Variants in PLPBP observed in about 807,000 individuals in gnomAD.
The protein encoded by PLPBP is pyridoxal phosphate binding protein.
In PLPBP, 21 loss-of-function variants were observed where a neutral mutation model predicts 31.2. That is an observed-to-expected ratio of 0.67 (90% CI 0.48 to 0.97). The LOEUF is 0.97. PLPBP is among the 50% of genes least tolerant of loss of function. The pLI, the probability that PLPBP is intolerant of heterozygous loss-of-function variation, is 0.00. For synonymous variants in PLPBP, 124 were observed against 135.6 expected, an observed-to-expected ratio of 0.91 and a Z score of 0.59; for missense variants, 308 against 354.4, an observed-to-expected ratio of 0.87 and a Z score of 1.05.
chr8:37,765,773 T>G, intron 3 of PLPBP, 27 bp downstream of exon 3: 2 of 1,604,348 alleles, frequency 1.2e-6, no homozygotes, highest in Non-Finnish European at 1.7e-6. Flanking sequence ...ATTCTTTAAT[T>G]TGTATCTAAA....
intron 1 of PLPBP, among the ~76,000 whole-genome samples, chr8:37,764,989 G>GGGGAA (rs1260463672): frequency 6.6e-6 from 1 of 152,138 alleles, no homozygotes; most frequent in Non-Finnish European, 1.5e-5. Flanking sequence ...TGACCAACAT[G>GGGGAA]GGGAAACCCT....
At chr8:37,773,019 T>A (rs1256827855) in intron 5 of PLPBP, 130 bp downstream of exon 5, 2 of 1,263,960 alleles carry the variant, frequency 1.6e-6, no homozygotes, top group Non-Finnish European at 2.2e-6. Flanking sequence ...GGCCTCTAAG[T>A]TGGCTGTTTT....
At chr8:37,765,783 A>G in intron 3 of PLPBP, 37 bp downstream of exon 3, 1 of 1,599,392 alleles carries the variant, frequency 6.3e-7, no homozygotes, top group Non-Finnish European at 8.5e-7. Flanking sequence ...TTGTATCTAA[A>G]TCTTGGCTCT....
Position 37,779,291 on chromosome 8 carries a change from C to T in PLPBP, c.*1187C>T, listed in dbSNP as rs929599193. 5.3e-5 allele frequency: 8 copies of T among 152,142 alleles called. 1 individual carries two copies. Among genetic ancestry groups the T allele is most frequent in the African/African-American group, 1.9e-4 (8 of 41,418 alleles). The allele number at this position is 152,142 out of a possible 1,614,324, so 9.4% of individuals were successfully genotyped here. A position where few individuals can be genotyped will look rare whatever the true frequency, so the allele number is the denominator to read the frequency against. ...TCAAAACCCAGTGAATCTCATTACTCCTAAGAAACGAAAGATTCCTTCAAA... is the reference window on the plus strand; with the variant it reads ...TCAAAACCCAGTGAATCTCATTACTTCTAAGAAACGAAAGATTCCTTCAAA... On this transcript the variant is annotated 3_prime_UTR_variant, in exon 8 of 8. Transcript: ENST00000328195.
chr8:37,776,117 G>A, intron 7 of PLPBP, 101 bp downstream of exon 7: 1 of 1,100,938 alleles, frequency 9.1e-7, no homozygotes, highest in Non-Finnish European at 1.4e-6. Flanking sequence ...CCTTGGAAAT[G>A]CCTTGGGATG....
intron 5 of PLPBP, among the ~76,000 whole-genome samples, chr8:37,774,433 G>A (rs896189025): frequency 5.3e-5 from 8 of 152,200 alleles, no homozygotes; most frequent in African/African-American, 1.9e-4. Flanking sequence ...TCATGAGAAT[G>A]CTTACTTCAG....
chr8:37,770,615 G>A (rs956112733), intron 4 of PLPBP, among the ~76,000 whole-genome samples: 2 of 152,160 alleles, frequency 1.3e-5, no homozygotes, highest in African/African-American at 4.8e-5. Flanking sequence ...GTCTCACTCT[G>A]CACCCAGACT....
Position 37,772,806 on chromosome 8 carries a change from A to C in PLPBP, c.371A>C (p.Asp124Ala). The stretch of plus-strand genomic sequence containing the variant: ...ACAGTGGATTCTGTGAAGTTGGCAG[A>C]CAAAGTGAACAGTTCCTGGCAGAGA... ...LETVDSVKLADKVNSSWQRKG... is the reference protein window; with the variant it reads ...LETVDSVKLAAKVNSSWQRKG... The change falls in exon 5 of 8, where the codon GAC becomes GCC. Residue 124 changes from aspartate (D) to alanine (A), a missense_variant. Physicochemically the swap from Asp to Ala is moderately radical, Grantham distance 126. Transcript: ENST00000328195. The C allele has an allele frequency of 6.2e-7, 1 of 1,613,996 alleles. No homozygotes were observed. The highest frequency in any genetic ancestry group is 8.5e-7 in the Non-Finnish European group (1 of 1,179,826).
At chr8:37,774,648 T>C (rs752155758) in intron 5 of PLPBP, among the ~76,000 whole-genome samples, 2 of 152,244 alleles carry the variant, frequency 1.3e-5, no homozygotes, top group Non-Finnish European at 2.9e-5. Context: ...AGAGTCAGAC[T>C]ACCTGGGTTT....
At chr8:37,768,460 ATTTTCTTTTTTTTTTTTTTTTTTTT>A (rs914281267) in intron 4 of PLPBP, among the ~76,000 whole-genome samples, 4 of 101,142 alleles carry the variant, frequency 4.0e-5, no homozygotes, top group Non-Finnish European at 8.4e-5. Flanking sequence ...TACAGTTTTG[ATTTTCTTTTTTTTTTTTTTTTTTTT>A]TTTTTGAGAC....
At chr8:37,777,830 C>A in intron 7 of PLPBP, 143 bp from the exon 8 acceptor site, 4 of 928,940 alleles carry the variant, frequency 4.3e-6, no homozygotes, top group Non-Finnish European at 6.1e-6. Flanking sequence ...CTCGGCCTCC[C>A]AAAATGCTGG....
chr8:37,764,071 C>CTTTTTTT (rs111913973), intron 1 of PLPBP, among the ~76,000 whole-genome samples: 1 of 126,896 alleles, frequency 7.9e-6, no homozygotes. Context: ...TCTTTTCTTT[C>CTTTTTTT]TTTTTTTTTT....
At position 37,765,518 on chromosome 8, in the gene PLPBP, C is replaced by A; in HGVS notation, c.100-8C>A. 1 of 1,612,304 alleles carries A rather than the reference C, an allele frequency of 6.2e-7. No individual in the cohort carries two copies. The highest frequency in any genetic ancestry group is 1.1e-5 in the South Asian group (1 of 90,990). On this transcript the variant is annotated splice_region_variant and splice_polypyrimidine_tract_variant and intron_variant, in intron 1 of 7. Coordinates refer to ENST00000328195, the MANE Select transcript of PLPBP (RefSeq NM_007198.4). ...CATTCACTCATATGGCTCTTTCCCT[C>A]TTGGCAGGATCTCCCAGCCATCCAG... is the stretch of plus-strand genomic sequence containing the variant.
chr8:37,764,520 C>T (rs1803572972), intron 1 of PLPBP, among the ~76,000 whole-genome samples: 1 of 152,162 alleles, frequency 6.6e-6, no homozygotes, highest in Non-Finnish European at 1.5e-5. Flanking sequence ...TGGGGTTTCA[C>T]CTTTTGGCCA....
At chr8:37,768,753 G>A (rs1803701463) in intron 4 of PLPBP, among the ~76,000 whole-genome samples, 1 of 152,072 alleles carries the variant, frequency 6.6e-6, no homozygotes, top group African/African-American at 2.4e-5. Flanking sequence ...GATTACAGGC[G>A]TGAGCCACCA....
chr8:37,775,049 A>G (rs1249566499), intron 5 of PLPBP: 1 of 229,290 alleles, frequency 4.4e-6, no homozygotes, highest in Non-Finnish European at 8.4e-6. Context: ...TATCCCAAAA[A>G]AGCAAGATTT....
intron 7 of PLPBP, among the ~76,000 whole-genome samples, 167 bp downstream of exon 7, chr8:37,776,183 C>T (rs1803903780): frequency 1.3e-5 from 2 of 152,142 alleles, no homozygotes; most frequent in Admixed American, 1.3e-4. Flanking sequence ...CATGCCCTTT[C>T]TTTTTTGAAA....
At chr8:37,768,003 C>T (rs1287883973) in intron 4 of PLPBP, among the ~76,000 whole-genome samples, 1 of 151,896 alleles carries the variant, frequency 6.6e-6, no homozygotes, top group African/African-American at 2.4e-5. Context: ...GACAAGGTTT[C>T]ATCATATTGG....
At chr8:37,770,011 T>C (rs1803728542) in intron 4 of PLPBP, among the ~76,000 whole-genome samples, 2 of 152,204 alleles carry the variant, frequency 1.3e-5, no homozygotes. Context: ...AATGGAAAGA[T>C]ATTCCATGCT....
Sources: gnomAD v4.1 joint callset for allele counts (sites outside exome capture counted in the v4.1 genomes callset) on GRCh38, gnomAD v4.1.1 for gene constraint, MANE v1.5 for transcripts, NCBI Gene and HGNC (gene_info 2026-07-23, HGNC 2026-07-21) for gene names.